CTNND2: variants seen among roughly 807,000 people sequenced by gnomAD.
CTNND2 encodes catenin delta 2.
Under a neutral mutation model 144.4 loss-of-function variants are expected in CTNND2, and 22 were observed. The ratio of observed to expected loss-of-function variants is 0.15; its 90% CI spans 0.11 to 0.22. CTNND2 has a LOEUF of 0.22. Ranked by LOEUF, CTNND2 falls within the 10% of genes least tolerant of loss-of-function variation. CTNND2 has a pLI of 1.00. For missense variants in CTNND2, 1,353 were observed against 1,618.8 expected, an observed-to-expected ratio of 0.84 and a Z score of 2.82; for synonymous variants, 751 against 695.6, an observed-to-expected ratio of 1.08 and a Z score of -1.25.
intron 1 of CTNND2, among the ~76,000 whole-genome samples, chr5:11,803,548 G>C (rs1280175327): frequency 6.6e-6 from 1 of 152,162 alleles, no homozygotes; most frequent in Non-Finnish European, 1.5e-5. Context: ...TGGATCCACT[G>C]AACTGAAGAT....
intron 9 of CTNND2, among the ~76,000 whole-genome samples, chr5:11,297,286 A>T (rs1749123851): frequency 6.6e-6 from 1 of 152,226 alleles, no homozygotes. Flanking sequence ...TATAGTATCA[A>T]ATAATAACCA....
intron 11 of CTNND2, among the ~76,000 whole-genome samples, chr5:11,197,416 C>A (rs1736973719): frequency 1.3e-5 from 2 of 152,206 alleles, no homozygotes; most frequent in African/African-American, 4.8e-5. Flanking sequence ...GCCTCAAACC[C>A]CCAGCACATG....
intron 2 of CTNND2, among the ~76,000 whole-genome samples, chr5:11,614,154 A>G (rs1780469649): frequency 6.6e-6 from 1 of 152,344 alleles, no homozygotes; most frequent in African/African-American, 2.4e-5. Context: ...TACTAAGAGT[A>G]CAATTATGCT....
chr5:11,242,495 C>G (rs769362611), intron 9 of CTNND2, among the ~76,000 whole-genome samples: 5 of 152,158 alleles, frequency 3.3e-5, no homozygotes, highest in Admixed American at 6.5e-5. Context: ...AGTGCCCCTC[C>G]GAGGACATTT....
chr5:11,548,211 T>C (rs139973528), intron 3 of CTNND2, among the ~76,000 whole-genome samples: 160 of 152,318 alleles, frequency 1.1e-3, no homozygotes, highest in Middle Eastern at 3.4e-3. Context: ...AGGATGCATA[T>C]GTGTGAGAAA....
chr5:11,082,577 C>A, intron 16 of CTNND2, 119 bp downstream of exon 16: 1 of 1,181,428 alleles, frequency 8.5e-7, no homozygotes, highest in Non-Finnish European at 1.2e-6. Context: ...AATGAGGCTG[C>A]TAATAAATGC....
chr5:11,251,278 T>C (rs1458107013), intron 9 of CTNND2, among the ~76,000 whole-genome samples: 2 of 152,166 alleles, frequency 1.3e-5, no homozygotes, highest in African/African-American at 4.8e-5. Context: ...ATTTAGTAAG[T>C]TCTTAGGTCT....
intron 3 of CTNND2, among the ~76,000 whole-genome samples, chr5:11,443,066 T>A (rs1039958589): frequency 2.6e-5 from 4 of 150,986 alleles, no homozygotes; most frequent in Admixed American, 6.6e-5. Flanking sequence ...CCAAACCCAC[T>A]GATATGACCC....
At chr5:11,367,240 T>C (rs536014212) in intron 7 of CTNND2, among the ~76,000 whole-genome samples, 1 of 152,290 alleles carries the variant, frequency 6.6e-6, no homozygotes, top group African/African-American at 2.4e-5. Flanking sequence ...CAAGTTTTGA[T>C]TGCTCAAGGG....
intron 12 of CTNND2, among the ~76,000 whole-genome samples, chr5:11,150,485 C>A (rs530337194): frequency 6.6e-6 from 1 of 152,118 alleles, no homozygotes; most frequent in African/African-American, 2.4e-5. Context: ...AATTAAGGAC[C>A]AACCAGACTC....
Position 11,439,794 on chromosome 5 carries a change from ATCTATCT to A in CTNND2, c.288-27732_288-27726del, listed in dbSNP as rs1474658816. ...TATCTATCTATCTATCTATCTATCT[ATCTATCT>A]TATATATATGTGTGTATATATATGT... On this transcript the variant is annotated intron_variant, in intron 3 of 21. Coordinates refer to ENST00000304623, the MANE Select transcript of CTNND2 (RefSeq NM_001332.4). Among the ~76,000 whole-genome samples, 51 of 120,444 alleles carry A rather than the reference ATCTATCT, an allele frequency of 4.2e-4. No individual in the cohort carries two copies. The South Asian group carries it at 0.014, about 34-fold the overall frequency. 79.0% of individuals were successfully genotyped at this position (120,444 alleles called of 152,430 possible). A position where few individuals can be genotyped will look rare whatever the true frequency, so the allele number is the denominator to read the frequency against.
chr5:11,390,626 A>T (rs941296799), intron 6 of CTNND2, among the ~76,000 whole-genome samples: 1 of 152,198 alleles, frequency 6.6e-6, no homozygotes, highest in African/African-American at 2.4e-5. Flanking sequence ...TAGACCTGCC[A>T]AGTTTTCTTA....
intron 2 of CTNND2, among the ~76,000 whole-genome samples, chr5:11,626,319 C>T (rs1781150871): frequency 6.6e-6 from 1 of 152,118 alleles, no homozygotes; most frequent in Non-Finnish European, 1.5e-5. Flanking sequence ...TTACTGATTA[C>T]CTCATTTAAA....
chr5:11,573,422 G>C (rs72734908), intron 2 of CTNND2, among the ~76,000 whole-genome samples: 1 of 151,886 alleles, frequency 6.6e-6, no homozygotes, highest in Non-Finnish European at 1.5e-5. Flanking sequence ...CTACAGCCAC[G>C]TCTCTTGGCA....
At chr5:11,359,780 TG>T (rs1756256881) in intron 8 of CTNND2, among the ~76,000 whole-genome samples, 1 of 152,208 alleles carries the variant, frequency 6.6e-6, no homozygotes, top group Non-Finnish European at 1.5e-5. Flanking sequence ...TTGCAATGGC[TG>T]GCAGACGTAG....
chr5:11,398,587 A>G (rs1004499598), intron 5 of CTNND2, among the ~76,000 whole-genome samples: 1 of 148,960 alleles, frequency 6.7e-6, no homozygotes, highest in African/African-American at 2.5e-5. Context: ...CGGTTTCTGG[A>G]AAAAAAAAAG....
At chr5:11,578,673 A>G (rs562547772) in intron 2 of CTNND2, among the ~76,000 whole-genome samples, 2 of 82,132 alleles carry the variant, frequency 2.4e-5, no homozygotes, top group Non-Finnish European at 5.0e-5. Flanking sequence ...ATACATGAAT[A>G]AATAAATAAA....
At chr5:11,623,812 A>G (rs1488993990) in intron 2 of CTNND2, among the ~76,000 whole-genome samples, 149 of 21,112 alleles carry the variant, frequency 7.1e-3, no homozygotes, top group African/African-American at 0.021. Flanking sequence ...GTGTATGTAT[A>G]TATATATATA....
At chr5:11,324,950 C>CT (rs11381791) in intron 9 of CTNND2, among the ~76,000 whole-genome samples, 87,966 of 146,626 alleles carry the variant, frequency 0.6, 26,503 homozygotes, top group East Asian at 0.74. Flanking sequence ...ATGCATTATC[C>CT]TTTTTTTTTT....
Sources: allele counts gnomAD v4.1 joint callset (sites outside exome capture counted in the v4.1 genomes callset), GRCh38; gene constraint gnomAD v4.1.1; transcripts MANE v1.5; gene names NCBI Gene and HGNC (gene_info 2026-07-23, HGNC 2026-07-21).